BNC2: variants seen among roughly 807,000 people sequenced by gnomAD.
BNC2 encodes the protein basonuclin zinc finger protein 2, also known as zinc finger protein basonuclin-2.
In BNC2, 20 loss-of-function variants were observed where a neutral mutation model predicts 76.3. The ratio of observed to expected loss-of-function variants is 0.26; its 90% CI spans 0.18 to 0.38. BNC2 has a LOEUF of 0.38. BNC2 is among the 10% of genes least tolerant of loss of function. The pLI is 1.00. For synonymous variants in BNC2, 582 were observed against 514.8 expected, an observed-to-expected ratio of 1.13 and a Z score of -1.77; for missense variants, 1,382 against 1,399.8, an observed-to-expected ratio of 0.99 and a Z score of 0.20.
intron 1 of BNC2, among the ~76,000 whole-genome samples, chr9:16,749,486 G>C (rs1825118451): frequency 6.6e-6 from 1 of 152,222 alleles, no homozygotes. Flanking sequence ...AACAGCTTGA[G>C]CCCGGTTGTT....
Position 16,766,327 on chromosome 9 carries a change from G to T in BNC2, c.4-27842C>A, listed in dbSNP as rs143635627. Among the ~76,000 whole-genome samples, 212 of 152,182 alleles carry T rather than the reference G, an allele frequency of 1.4e-3. 1 individual carries two copies. The highest frequency in any genetic ancestry group is 4.7e-3 in the African/African-American group (195 of 41,528). On this transcript the variant is annotated intron_variant, in intron 1 of 6. Transcript: ENST00000380672. ...TTGGGGGAAGGTGGGAGGGATGAGG[G>T]GAATCCTCATTCTGCAGCTCTGAAC...
At chr9:16,691,504 CTTTTTTTTTTTTTT>C (rs71327842) in intron 3 of BNC2, among the ~76,000 whole-genome samples, 1 of 113,234 alleles carries the variant, frequency 8.8e-6, no homozygotes, top group Non-Finnish European at 1.8e-5. Flanking sequence ...GGTATGGGTT[CTTTTTTTTTTTTTT>C]TTTTTTTTTG....
intron 1 of BNC2, among the ~76,000 whole-genome samples, chr9:16,800,463 T>C (rs1440507610): frequency 6.6e-6 from 1 of 152,128 alleles, no homozygotes; most frequent in Non-Finnish European, 1.5e-5. Flanking sequence ...GTTGAGGGGA[T>C]ATTCTTTTCA....
At chr9:16,527,558 A>G (rs1393947741) in intron 5 of BNC2, among the ~76,000 whole-genome samples, 3 of 152,202 alleles carry the variant, frequency 2.0e-5, no homozygotes, top group Admixed American at 6.5e-5. Context: ...GAGGAGCTGA[A>G]AGAACCTGCA....
intron 1 of BNC2, among the ~76,000 whole-genome samples, chr9:16,746,306 T>C (rs894979185): frequency 3.9e-5 from 6 of 152,254 alleles, no homozygotes; most frequent in African/African-American, 1.4e-4. Context: ...CTGACTGCAA[T>C]CAGTGTCAGA....
chr9:16,603,858 C>T (rs2133334452), intron 3 of BNC2, among the ~76,000 whole-genome samples: 1 of 139,460 alleles, frequency 7.2e-6, no homozygotes, highest in African/African-American at 2.5e-5. Flanking sequence ...AAACCTCTCT[C>T]AAATATTCTC....
Position 16,414,206 on chromosome 9 carries a change from C to T in BNC2, c.*4783G>A, listed in dbSNP as rs73415405. On this transcript the variant is annotated 3_prime_UTR_variant, in exon 7 of 7. Transcript: ENST00000380672. ...GTCATAGGAACTCTGCAGGTCCCTACGATCAATACGCTCTCACCCACTGCG... is the reference window on the plus strand; with the variant it reads ...GTCATAGGAACTCTGCAGGTCCCTATGATCAATACGCTCTCACCCACTGCG... 0.039 allele frequency: 5,969 copies of T among 152,254 alleles called. 372 individuals carry two copies. The highest frequency in any genetic ancestry group is 0.14 in the African/African-American group (5,659 of 41,514). 9.4% of individuals were successfully genotyped at this position (152,254 alleles called of 1,614,324 possible). A position where few individuals can be genotyped will look rare whatever the true frequency, so the allele number is the denominator to read the frequency against.
At chr9:16,550,181 C>T (rs1043375409) in intron 5 of BNC2, among the ~76,000 whole-genome samples, 7 of 152,176 alleles carry the variant, frequency 4.6e-5, no homozygotes, top group South Asian at 2.1e-4. Flanking sequence ...CCACAGCCCA[C>T]GGGCTGCATG....
chr9:16,787,200 G>C (rs922590413), intron 1 of BNC2, among the ~76,000 whole-genome samples: 32 of 152,178 alleles, frequency 2.1e-4, no homozygotes, highest in Admixed American at 1.7e-3. Flanking sequence ...AAACTTCCAA[G>C]AGTGTCAGAA....
chr9:16,841,561 TG>T (rs1818827069), intron 1 of BNC2, among the ~76,000 whole-genome samples: 1 of 152,174 alleles, frequency 6.6e-6, no homozygotes, highest in Non-Finnish European at 1.5e-5. Context: ...AAGGTCTGTG[TG>T]GGTCATTTAA....
chr9:16,663,130 C>CTTTTTTTTTTTTTTTTT lies in BNC2; in HGVS notation c.330+64666_330+64667insAAAAAAAAAAAAAAAAA, dbSNP rs71325979. Among the ~76,000 whole-genome samples the CTTTTTTTTTTTTTTTTT allele has an allele frequency of 7.1e-3, 703 of 99,436 alleles. 77 individuals are homozygous for CTTTTTTTTTTTTTTTTT. Among genetic ancestry groups the CTTTTTTTTTTTTTTTTT allele is most frequent in the African/African-American group, 9.9e-3 (277 of 27,862 alleles). The allele number at this position is 99,436 out of a possible 152,430, so 65.2% of individuals were successfully genotyped here. On this transcript the variant is annotated intron_variant, in intron 3 of 6. Transcript: ENST00000380672. ...CCATAGGCACTCCACTCTGTTTACT[C>CTTTTTTTTTTTTTTTTT]TTTTTTTTTTTTTTTTGGAGACGGA...
chr9:16,561,804 C>T (rs1819025041), intron 4 of BNC2, among the ~76,000 whole-genome samples: 1 of 151,976 alleles, frequency 6.6e-6, no homozygotes, highest in Non-Finnish European at 1.5e-5. Context: ...AGGAGTTCGA[C>T]ACCAGCCTGG....
intron 5 of BNC2, among the ~76,000 whole-genome samples, chr9:16,453,297 G>A (rs191368249): frequency 6.6e-6 from 1 of 152,190 alleles, no homozygotes; most frequent in East Asian, 1.9e-4. Flanking sequence ...AGTAATTTTC[G>A]AAGCCATGAT....
intron 1 of BNC2, among the ~76,000 whole-genome samples, chr9:16,832,833 C>T (rs1427076260): frequency 6.6e-6 from 1 of 152,018 alleles, no homozygotes; most frequent in Non-Finnish European, 1.5e-5. Flanking sequence ...TCAAGCGATT[C>T]TCCTGCCTCA....
intron 3 of BNC2, among the ~76,000 whole-genome samples, chr9:16,619,413 A>G (rs1820802476): frequency 6.6e-6 from 1 of 152,172 alleles, no homozygotes; most frequent in African/African-American, 2.4e-5. Flanking sequence ...ACTGTACCAT[A>G]AAAATCCAGT....
intron 6 of BNC2, 67 bp from the exon 7 acceptor site, chr9:16,419,716 C>A: frequency 2.0e-6 from 2 of 981,194 alleles, no homozygotes; most frequent in Non-Finnish European, 1.6e-6. Context: ...AAAAGGAAAG[C>A]ATTTTAAAAT....
At chr9:16,868,806 G>T (rs1398091559) in intron 1 of BNC2, among the ~76,000 whole-genome samples, 1 of 152,188 alleles carries the variant, frequency 6.6e-6, no homozygotes, top group Non-Finnish European at 1.5e-5. Context: ...GTGTGTGTGT[G>T]TGTGTTTGTC....
At chr9:16,614,958 T>TTAAAAAAA (rs1820655766) in intron 3 of BNC2, among the ~76,000 whole-genome samples, 4 of 62,526 alleles carry the variant, frequency 6.4e-5, no homozygotes, top group African/African-American at 2.6e-4. Flanking sequence ...TCTGTCTCTT[T>TTAAAAAAA]AAAAAAAAAA....
chr9:16,487,533 T>C (rs991738573), intron 5 of BNC2, among the ~76,000 whole-genome samples: 3 of 152,366 alleles, frequency 2.0e-5, no homozygotes, highest in Non-Finnish European at 4.4e-5. Context: ...ATCTTTATTC[T>C]AAACTGTTTT....
Sources: allele counts gnomAD v4.1 joint callset (sites outside exome capture counted in the v4.1 genomes callset), GRCh38; gene constraint gnomAD v4.1.1; transcripts MANE v1.5; gene names NCBI Gene and HGNC (gene_info 2026-07-23, HGNC 2026-07-21).